EFL1: variants seen among roughly 807,000 people sequenced by gnomAD.
EFL1 encodes the protein elongation factor like GTPase 1.
Under a neutral mutation model 126.7 loss-of-function variants are expected in EFL1, and 76 were observed. The observed-to-expected ratio is 0.60, with a 90% CI of 0.50 to 0.73. The LOEUF (loss-of-function observed/expected upper bound fraction) is 0.73. EFL1 is among the 30% of genes least tolerant of loss of function. EFL1 has a pLI of 0.00. For missense variants in EFL1, 1,128 were observed against 1,343.2 expected (o/e 0.84, Z 2.50); for synonymous variants, 410 against 448.4 (o/e 0.91, Z 1.08).
chr15:82,252,546 A>C, intron 4 of EFL1, 145 bp downstream of exon 4: 2 of 667,986 alleles, frequency 3.0e-6, no homozygotes, highest in Admixed American at 4.8e-5. Context: ...GGACAGCCTG[A>C]CTCTGACAAC....
intron 7 of EFL1, among the ~76,000 whole-genome samples, chr15:82,235,369 C>G (rs2074862475): frequency 6.6e-6 from 1 of 152,040 alleles, no homozygotes; most frequent in Admixed American, 6.5e-5. Context: ...ATTTGTTCAT[C>G]TATGTACAAA....
chr15:82,182,011 G>A (rs2074256707), intron 15 of EFL1, among the ~76,000 whole-genome samples: 2 of 152,176 alleles, frequency 1.3e-5, no homozygotes, highest in African/African-American at 4.8e-5. Flanking sequence ...TGTAATCCCA[G>A]CACTTACGGA....
intron 12 of EFL1, among the ~76,000 whole-genome samples, chr15:82,221,367 C>A (rs778965702): frequency 2.0e-5 from 3 of 152,184 alleles, no homozygotes; most frequent in Non-Finnish European, 4.4e-5. Flanking sequence ...TACTTGTCTT[C>A]CAAATGGCCA....
At chr15:82,241,176 T>C in intron 5 of EFL1, 94 bp downstream of exon 5, 1 of 1,427,308 alleles carries the variant, frequency 7.0e-7, no homozygotes, top group Non-Finnish European at 9.6e-7. Context: ...ATAAAACCAA[T>C]GTTGTGATTG....
intron 12 of EFL1, among the ~76,000 whole-genome samples, chr15:82,221,223 G>C (rs548674149): frequency 6.6e-6 from 1 of 152,080 alleles, no homozygotes; most frequent in Non-Finnish European, 1.5e-5. Flanking sequence ...CATCACCTTT[G>C]ATATTATGAT....
At chr15:82,142,293 C>T (rs2073797674) in intron 18 of EFL1, among the ~76,000 whole-genome samples, 1 of 152,068 alleles carries the variant, frequency 6.6e-6, no homozygotes, top group Non-Finnish European at 1.5e-5. Flanking sequence ...ACGCTTGAGA[C>T]CAGCCTAGGT....
At chr15:82,207,686 C>G (rs1319314312) in intron 15 of EFL1, among the ~76,000 whole-genome samples, 2 of 150,558 alleles carry the variant, frequency 1.3e-5, no homozygotes, top group Non-Finnish European at 3.0e-5. Flanking sequence ...TTTAGCTTAT[C>G]TGCATTTTCA....
intron 4 of EFL1, among the ~76,000 whole-genome samples, chr15:82,247,126 C>A (rs565250221): frequency 6.6e-6 from 1 of 151,898 alleles, no homozygotes; most frequent in African/African-American, 2.4e-5. Flanking sequence ...TGTGGGGAGT[C>A]AAAAAAACTA....
At chr15:82,235,895 TACA>T (rs945152447) in intron 7 of EFL1, among the ~76,000 whole-genome samples, 18 of 151,802 alleles carry the variant, frequency 1.2e-4, no homozygotes, top group African/African-American at 3.9e-4. Context: ...AGGAAAAAAA[TACA>T]ACAACCCCTA....
Position 82,173,964 on chromosome 15 carries a change from C to T in EFL1, c.1751-9980G>A, listed in dbSNP as rs1371336476. Among the ~76,000 whole-genome samples the T allele has an allele frequency of 5.3e-5, 8 of 151,952 alleles. No individual in the cohort carries two copies. In the East Asian group the frequency reaches 9.7e-4, roughly 18 times the overall value. Reference sequence around the variant, plus strand: ...CAGCACTTTGGGAGGCCGAAGCAGGCGGATCACGAGGTCAGGAGATGGAGA... The same window carrying T: ...CAGCACTTTGGGAGGCCGAAGCAGGTGGATCACGAGGTCAGGAGATGGAGA... On this transcript the variant is annotated intron_variant, in intron 15 of 19. Transcript: ENST00000268206.
At chr15:82,181,260 A>G (rs948847739) in intron 15 of EFL1, among the ~76,000 whole-genome samples, 2 of 152,182 alleles carry the variant, frequency 1.3e-5, no homozygotes, top group African/African-American at 2.4e-5. Flanking sequence ...TGCTCTCCAG[A>G]TGACCAATAA....
At chr15:82,131,114 C>A (rs942956889) in intron 19 of EFL1, among the ~76,000 whole-genome samples, 5 of 152,066 alleles carry the variant, frequency 3.3e-5, no homozygotes, top group Non-Finnish European at 7.4e-5. Context: ...TTGCTCCTAG[C>A]GCCAGTTCAT....
In EFL1 at chr15:82,227,689, T is replaced by G. The variant is rs1183621209; in HGVS notation, c.1070-117A>C. ...AGTCTGTCCATACAGAAAATGCCTG[T>G]GCTACAAGGCAACACTGCTTTATGC... On this transcript the variant is annotated intron_variant, in intron 10 of 19. Coordinates refer to ENST00000268206, the MANE Select transcript of EFL1 (RefSeq NM_024580.6). 4 of 1,389,006 alleles carry G rather than the reference T, an allele frequency of 2.9e-6. No homozygotes were observed. In the African/African-American group the frequency reaches 5.7e-5, roughly 20 times the overall value. The allele number at this position is 1,389,006 out of a possible 1,614,324, so 86.0% of individuals were successfully genotyped here.
intron 15 of EFL1, among the ~76,000 whole-genome samples, chr15:82,209,802 T>A (rs2074565451): frequency 6.6e-6 from 1 of 152,254 alleles, no homozygotes; most frequent in Non-Finnish European, 1.5e-5. Flanking sequence ...ATAAGTTCTC[T>A]AAGTGACTTA....
intron 18 of EFL1, among the ~76,000 whole-genome samples, chr15:82,140,981 C>T (rs1415774906): frequency 2.6e-5 from 4 of 152,214 alleles, no homozygotes; most frequent in Non-Finnish European, 5.9e-5. Flanking sequence ...CCTGAAGTTT[C>T]TGACCATCAG....
chr15:82,133,862 G>A (rs1419836484), intron 19 of EFL1, among the ~76,000 whole-genome samples: 1 of 152,168 alleles, frequency 6.6e-6, no homozygotes, highest in Admixed American at 6.5e-5. Context: ...TGAGCGAGAA[G>A]AACCAAGTGA....
rs186948168 is a variant in EFL1 at position 82,167,328 on chromosome 15, T to A, written c.1751-3344A>T. Among the ~76,000 whole-genome samples the A allele has an allele frequency of 6.6e-3, 1,001 of 152,336 alleles. 9 individuals are homozygous for A. Among genetic ancestry groups the A allele is most frequent in the African/African-American group, 0.023 (938 of 41,574 alleles). Reference sequence around the variant, plus strand: ...ATTAAATAAATTGGCATGTGAACTCTATGTTCACACAGACTGGAATGACAA... The same window carrying A: ...ATTAAATAAATTGGCATGTGAACTCAATGTTCACACAGACTGGAATGACAA... On this transcript the variant is annotated intron_variant, in intron 15 of 19. Transcript: ENST00000268206.
chr15:82,194,089 G>T (rs1212916242), intron 15 of EFL1, among the ~76,000 whole-genome samples: 1 of 152,190 alleles, frequency 6.6e-6, no homozygotes, highest in East Asian at 1.9e-4. Flanking sequence ...ACTCACTTGG[G>T]AGTCCCTAGG....
intron 8 of EFL1, among the ~76,000 whole-genome samples, chr15:82,230,433 T>C (rs1357681122): frequency 2.0e-5 from 3 of 152,040 alleles, no homozygotes; most frequent in South Asian, 2.1e-4. Context: ...CACTGCACGA[T>C]GACCAGCATG....
Sources: gnomAD v4.1 joint callset for allele counts (sites outside exome capture counted in the v4.1 genomes callset) on GRCh38, gnomAD v4.1.1 for gene constraint, MANE v1.5 for transcripts, NCBI Gene and HGNC (gene_info 2026-07-23, HGNC 2026-07-21) for gene names.